The following GRID1 variants were observed in gnomAD, a reference collection of about 807,000 sequenced individuals.
GRID1 encodes the protein glutamate receptor ionotropic, delta-1.
In GRID1, 28 loss-of-function variants were observed where a neutral mutation model predicts 98.0. That is an observed-to-expected ratio of 0.29 (90% CI 0.21 to 0.39). GRID1 has a LOEUF of 0.39. Among genes scored for constraint, GRID1 ranks in the 10% least tolerant of loss-of-function variants. The pLI is 1.00. For missense variants in GRID1, 1,111 were observed against 1,340.5 expected (o/e 0.83, Z 2.67); for synonymous variants, 553 against 538.5 (o/e 1.03, Z -0.37).
chr10:86,122,088 T>C (rs1564681563), intron 4 of GRID1, among the ~76,000 whole-genome samples: 2 of 152,176 alleles, frequency 1.3e-5, no homozygotes, highest in South Asian at 2.1e-4. Flanking sequence ...ACCTGTGCCA[T>C]AGAAGGGAGA....
chr10:86,123,803 T>C (rs1025580655), intron 4 of GRID1, among the ~76,000 whole-genome samples: 1 of 152,240 alleles, frequency 6.6e-6, no homozygotes, highest in South Asian at 2.1e-4. Flanking sequence ...ATTAATAATG[T>C]GCAAAGCTCT....
intron 13 of GRID1, among the ~76,000 whole-genome samples, chr10:85,642,512 A>G (rs890218077): frequency 6.6e-6 from 1 of 152,208 alleles, no homozygotes; most frequent in Non-Finnish European, 1.5e-5. Context: ...GATGACAGGA[A>G]TCTTGTCTCC....
intron 12 of GRID1, chr10:85,647,739 CAGAG>C (rs751834225): frequency 6.1e-5 from 13 of 214,314 alleles, no homozygotes; most frequent in Non-Finnish European, 1.2e-4. Context: ...AACATATAGA[CAGAG>C]AATCATAGTA....
chr10:85,774,138 T>C (rs1722868263), intron 8 of GRID1, among the ~76,000 whole-genome samples: 2 of 152,142 alleles, frequency 1.3e-5, no homozygotes, highest in South Asian at 2.1e-4. Context: ...TAGCGATCAA[T>C]GGAACAGAAC....
rs552670623 is a variant in GRID1, at chr10:85,774,453, A to T, written c.1234-44839T>A. 6.1e-3 allele frequency among the ~76,000 whole-genome samples: 923 copies of T among 152,226 alleles called. 6 individuals carry two copies. Among genetic ancestry groups the T allele is most frequent in the Non-Finnish European group, 0.011 (750 of 67,926 alleles). On this transcript the variant is annotated intron_variant, in intron 8 of 15. Transcript: ENST00000327946. Reference sequence around the variant, plus strand: ...GTCTAAAACACCAAAAGCAATGGCAACAAAAGCCAAAATTGACAAATGGAA... The same window carrying T: ...GTCTAAAACACCAAAAGCAATGGCATCAAAAGCCAAAATTGACAAATGGAA...
At chr10:85,849,926 C>A (rs1265976327) in intron 8 of GRID1, among the ~76,000 whole-genome samples, 2 of 152,154 alleles carry the variant, frequency 1.3e-5, no homozygotes, top group East Asian at 3.8e-4. Context: ...CTCTCTTGGT[C>A]CTAACTTGAT....
chr10:85,725,838 C>T (rs1334037193), intron 10 of GRID1, among the ~76,000 whole-genome samples: 1 of 152,096 alleles, frequency 6.6e-6, no homozygotes, highest in African/African-American at 2.4e-5. Flanking sequence ...AGGAAGTGAC[C>T]CTATCAACAC....
intron 4 of GRID1, among the ~76,000 whole-genome samples, chr10:86,132,316 G>C (rs925935007): frequency 2.6e-5 from 4 of 152,224 alleles, no homozygotes; most frequent in African/African-American, 4.8e-5. Flanking sequence ...AACTCAGCCA[G>C]GCCCCGCGTT....
chr10:86,179,320 C>T (rs929693843), intron 3 of GRID1, among the ~76,000 whole-genome samples: 1 of 152,096 alleles, frequency 6.6e-6, no homozygotes, highest in Non-Finnish European at 1.5e-5. Context: ...CCCCTCCCTC[C>T]ATCTTTCTCC....
intron 2 of GRID1, among the ~76,000 whole-genome samples, chr10:86,244,097 A>G (rs1841631557): frequency 6.6e-6 from 1 of 152,104 alleles, no homozygotes; most frequent in Non-Finnish European, 1.5e-5. Flanking sequence ...CTCTTCCTCA[A>G]TTGGGGGCAT....
At chr10:86,223,589 C>T (rs1470724837) in intron 2 of GRID1, among the ~76,000 whole-genome samples, 8 of 152,216 alleles carry the variant, frequency 5.3e-5, no homozygotes, top group African/African-American at 1.7e-4. Flanking sequence ...CCAGGCAGTT[C>T]TGGAGGTATG....
Position 85,916,131 on chromosome 10 carries a change from C to T in GRID1, c.780+55G>A, listed in dbSNP as rs1243842712. On this transcript the variant is annotated intron_variant, in intron 5 of 15. Coordinates refer to ENST00000327946, the MANE Select transcript of GRID1 (RefSeq NM_017551.3). The surrounding 1 kb of genome is among the most constrained non-coding windows in gnomAD (Gnocchi z 4.0). Reference sequence around the variant, plus strand: ...CTGAAAAGAATCACACTGAGCTTTACAAGGGGCTAGGGGCTCAGTCCAGGC... The same window carrying T: ...CTGAAAAGAATCACACTGAGCTTTATAAGGGGCTAGGGGCTCAGTCCAGGC... The T allele has an allele frequency of 1.5e-6, 2 of 1,307,368 alleles. No individual in the cohort carries two copies. The highest frequency in any genetic ancestry group is 1.4e-5 in the African/African-American group (1 of 69,146). The allele number at this position is 1,307,368 out of a possible 1,614,324, so 81.0% of individuals were successfully genotyped here. A position where few individuals can be genotyped will look rare whatever the true frequency, so the allele number is the denominator to read the frequency against.
intron 4 of GRID1, among the ~76,000 whole-genome samples, chr10:86,059,169 A>C (rs1362286123): frequency 1.3e-5 from 2 of 152,224 alleles, no homozygotes; most frequent in Admixed American, 1.3e-4. Flanking sequence ...CAGACAAGGC[A>C]GGCAAAGGGA....
chr10:85,716,863 T>C (rs1252482057), intron 12 of GRID1, among the ~76,000 whole-genome samples: 4 of 152,028 alleles, frequency 2.6e-5, no homozygotes, highest in Non-Finnish European at 4.4e-5. Flanking sequence ...GAAAGACACA[T>C]ACTGAATGCT....
At chr10:86,056,425 T>C (rs991534693) in intron 4 of GRID1, among the ~76,000 whole-genome samples, 6 of 152,182 alleles carry the variant, frequency 3.9e-5, no homozygotes, top group African/African-American at 7.2e-5. Context: ...CAAGGAAGAA[T>C]TGTCCTTCAA....
chr10:86,047,427 A>T (rs890531947), intron 4 of GRID1, among the ~76,000 whole-genome samples: 2 of 152,246 alleles, frequency 1.3e-5, no homozygotes, highest in African/African-American at 4.8e-5. Flanking sequence ...GCCCTGAGAA[A>T]TGAGGCAATT....
chr10:85,822,508 G>C (rs1054875401), intron 8 of GRID1, among the ~76,000 whole-genome samples: 21 of 152,158 alleles, frequency 1.4e-4, no homozygotes, highest in African/African-American at 5.1e-4. Flanking sequence ...ACACCAGTTA[G>C]AATGGCAATC....
At chr10:86,184,585 TG>T (rs1450516351) in intron 3 of GRID1, among the ~76,000 whole-genome samples, 6 of 151,934 alleles carry the variant, frequency 3.9e-5, no homozygotes, top group African/African-American at 9.7e-5. Context: ...TCCATATAAG[TG>T]GGGGTCCATT....
At chr10:86,268,574 C>T (rs1444220469) in intron 2 of GRID1, among the ~76,000 whole-genome samples, 3 of 152,186 alleles carry the variant, frequency 2.0e-5, no homozygotes, top group South Asian at 2.1e-4. Flanking sequence ...GTCAGGGACT[C>T]GAATAGGAGG....
Sources: allele counts gnomAD v4.1 joint callset (sites outside exome capture counted in the v4.1 genomes callset), GRCh38; gene constraint gnomAD v4.1.1; non-coding constraint Gnocchi (gnomAD v3.1); transcripts MANE v1.5; gene names NCBI Gene and HGNC (gene_info 2026-07-23, HGNC 2026-07-21).